Variants in DACH2 observed in about 807,000 individuals in gnomAD.
DACH2 encodes dachshund family transcription factor 2.
In DACH2, 17 loss-of-function variants were observed where a neutral mutation model predicts 35.8. That is an observed-to-expected ratio of 0.48 (90% CI 0.33 to 0.71). The LOEUF is 0.71. DACH2 is among the 30% of genes least tolerant of loss of function. The probability of loss-of-function intolerance (pLI) is 0.02; values close to 1 mark genes in which losing one functional copy is unlikely to be tolerated. For missense variants in DACH2, 469 were observed against 472.7 expected, an observed-to-expected ratio of 0.99 and a Z score of 0.07; for synonymous variants, 195 against 177.3, an observed-to-expected ratio of 1.10 and a Z score of -0.79.
At chrX:86,815,232 C>T (rs1029515340) in intron 10 of DACH2, among the ~76,000 whole-genome samples, 3 of 111,435 alleles carry the variant, frequency 2.7e-5, no homozygotes, top group Non-Finnish European at 5.6e-5. Context: ...ATGCAGATTG[C>T]ATCAGTGTTG....
At chrX:86,640,561 C>T (rs12557768) in intron 3 of DACH2, among the ~76,000 whole-genome samples, 13,781 of 110,873 alleles carry the variant, frequency 0.12, 754 homozygotes, top group East Asian at 0.32. Context: ...TTGGCCACAA[C>T]CACCAAGATC....
chrX:86,206,095 A>G (rs1403964140), intron 1 of DACH2, among the ~76,000 whole-genome samples: 1 of 111,614 alleles, frequency 9.0e-6, no homozygotes, highest in Non-Finnish European at 1.9e-5. Context: ...TAGAAGAGCT[A>G]GTGCAATCTG....
intron 1 of DACH2, among the ~76,000 whole-genome samples, chrX:86,289,150 T>A (rs932644172): frequency 9.2e-6 from 1 of 109,151 alleles, no homozygotes; most frequent in African/African-American, 3.3e-5. Context: ...GTTTCCCTTA[T>A]GGCCCAGGAT....
At chrX:86,806,632 T>C (rs1018824002) in intron 7 of DACH2, among the ~76,000 whole-genome samples, 1 of 112,414 alleles carries the variant, frequency 8.9e-6, no homozygotes, top group African/African-American at 3.2e-5. Context: ...TTAATAACTT[T>C]GTGCATGAAA....
intron 3 of DACH2, among the ~76,000 whole-genome samples, chrX:86,574,377 T>C (rs1405730295): frequency 9.0e-6 from 1 of 111,455 alleles, no homozygotes; most frequent in East Asian, 2.8e-4. Context: ...TGTGGTGACA[T>C]TTAATTGGTG....
At chrX:86,411,944 T>C (rs1364023380) in intron 2 of DACH2, among the ~76,000 whole-genome samples, 1 of 111,431 alleles carries the variant, frequency 9.0e-6, no homozygotes, top group Non-Finnish European at 1.9e-5. Flanking sequence ...TGCACTGTTG[T>C]AGTTCTCATT....
intron 1 of DACH2, among the ~76,000 whole-genome samples, chrX:86,330,230 T>C (rs2035187764): frequency 9.0e-6 from 1 of 111,403 alleles, no homozygotes; most frequent in Non-Finnish European, 1.9e-5. Context: ...AATCTTATTT[T>C]TTCCAAATAA....
chrX:86,444,123 C>A (rs2037218436), intron 2 of DACH2, among the ~76,000 whole-genome samples: 1 of 111,493 alleles, frequency 9.0e-6, no homozygotes, highest in Admixed American at 9.6e-5. Flanking sequence ...TAAGGCCTTG[C>A]CCTGTCACCC....
chrX:86,523,887 AC>A (rs2038594481), intron 3 of DACH2, among the ~76,000 whole-genome samples: 1 of 111,260 alleles, frequency 9.0e-6, no homozygotes, highest in Non-Finnish European at 1.9e-5. Flanking sequence ...AGAATAATAC[AC>A]CTATATTTTA....
chrX:86,214,213 A>G (rs1023111836), intron 1 of DACH2, among the ~76,000 whole-genome samples: 3 of 111,217 alleles, frequency 2.7e-5, no homozygotes, highest in African/African-American at 9.8e-5. Flanking sequence ...TTCTTTTTAA[A>G]GTTGTATGGT....
At chrX:86,338,213 G>T (rs2035351445) in intron 1 of DACH2, among the ~76,000 whole-genome samples, 1 of 111,416 alleles carries the variant, frequency 9.0e-6, no homozygotes. Flanking sequence ...GGACCAAGTG[G>T]ACCTAATAGA....
intron 3 of DACH2, among the ~76,000 whole-genome samples, chrX:86,566,944 T>C (rs2039300928): frequency 8.9e-6 from 1 of 112,001 alleles, no homozygotes; most frequent in Admixed American, 9.5e-5. Context: ...ACTTAAGTGC[T>C]CCTTCCACTT....
intron 3 of DACH2, among the ~76,000 whole-genome samples, chrX:86,546,407 T>TCTTCTTCTTCTTCTTCTTC (rs1569435811): frequency 1.0e-4 from 9 of 87,341 alleles, no homozygotes; most frequent in African/African-American, 1.4e-4. Flanking sequence ...TCTTCTTCCT[T>TCTTCTTCTTCTTCTTCTTC]CTTCTTCTTC....
chrX:86,297,497 G>A (rs1177544982), intron 1 of DACH2, among the ~76,000 whole-genome samples: 1 of 111,788 alleles, frequency 8.9e-6, no homozygotes, highest in Non-Finnish European at 1.9e-5. Flanking sequence ...CATTTTAGAA[G>A]CCTTCCAAAT....
chrX:86,372,043 C>T (rs975181488), intron 1 of DACH2, among the ~76,000 whole-genome samples: 13 of 111,268 alleles, frequency 1.2e-4, no homozygotes, highest in African/African-American at 3.6e-4. Flanking sequence ...CAGTATATGT[C>T]AACAGCTGAC....
At chrX:86,565,126 C>T (rs377551693) in intron 3 of DACH2, among the ~76,000 whole-genome samples, 3 of 111,281 alleles carry the variant, frequency 2.7e-5, no homozygotes, top group South Asian at 3.7e-4. Context: ...CCTCAATCTA[C>T]CATTCAAACC....
chrX:86,213,497 T>G (rs1335696539), intron 1 of DACH2, among the ~76,000 whole-genome samples: 2 of 111,459 alleles, frequency 1.8e-5, no homozygotes, highest in Non-Finnish European at 3.8e-5. Context: ...GCTGGCAAAC[T>G]TAAATTATCT....
At chrX:86,453,868 A>G (rs919011588) in intron 2 of DACH2, among the ~76,000 whole-genome samples, 2 of 111,041 alleles carry the variant, frequency 1.8e-5, no homozygotes, top group Non-Finnish European at 3.8e-5. Flanking sequence ...ATTGCTTCAT[A>G]GTGTCACTTG....
chrX:86,694,827 T>C (rs1370883754), intron 4 of DACH2, among the ~76,000 whole-genome samples, 194 bp from the exon 5 acceptor site: 4 of 111,837 alleles, frequency 3.6e-5, no homozygotes, highest in Non-Finnish European at 7.5e-5. Flanking sequence ...TTGAGAATGA[T>C]TTGGCCTTCC....
Sources: gnomAD v4.1 joint callset for allele counts (sites outside exome capture counted in the v4.1 genomes callset) on GRCh38, gnomAD v4.1.1 for gene constraint, MANE v1.5 for transcripts, NCBI Gene and HGNC (gene_info 2026-07-23, HGNC 2026-07-21) for gene names.